The following FRMPD4 variants were observed in gnomAD, a reference collection of about 807,000 sequenced individuals.
FRMPD4 encodes the protein FERM and PDZ domain-containing protein 4.
A neutral mutation model predicts 94.1 loss-of-function variants in FRMPD4; 22 were observed. The ratio of observed to expected loss-of-function variants is 0.23; its 90% CI spans 0.17 to 0.33. The LOEUF (loss-of-function observed/expected upper bound fraction) is 0.33, where lower values mean the gene tolerates loss of function less well. FRMPD4 is among the 10% of genes least tolerant of loss of function. The probability of loss-of-function intolerance (pLI) is 1.00; values close to 1 mark genes in which losing one functional copy is unlikely to be tolerated. For missense variants in FRMPD4, 1,111 were observed against 1,339.9 expected (o/e 0.83, Z 2.67); for synonymous variants, 631 against 548.6 (o/e 1.15, Z -2.10).
At chrX:12,316,169 G>A (rs2055111428) in intron 1 of FRMPD4, among the ~76,000 whole-genome samples, 1 of 110,937 alleles carries the variant, frequency 9.0e-6, no homozygotes, top group African/African-American at 3.3e-5. Flanking sequence ...TTTTTTTTGA[G>A]ACAGTCTCGT....
chrX:12,104,707 C>A (rs2055282283), intron 3 of FRMPD4, among the ~76,000 whole-genome samples: 1 of 112,305 alleles, frequency 8.9e-6, no homozygotes, highest in Non-Finnish European at 1.9e-5. Context: ...TTGCTATATG[C>A]TAGACACCAT....
chrX:12,414,032 G>T (rs1206662052), intron 1 of FRMPD4, among the ~76,000 whole-genome samples: 2 of 112,584 alleles, frequency 1.8e-5, no homozygotes, highest in Non-Finnish European at 3.8e-5. Context: ...ACCAGTGTTG[G>T]TCTGTGTGAC....
chrX:12,507,775 G>A (rs1174390304), intron 2 of FRMPD4, among the ~76,000 whole-genome samples: 1 of 111,596 alleles, frequency 9.0e-6, no homozygotes, highest in African/African-American at 3.3e-5. Context: ...TACCTTAAAG[G>A]TTGTTCTAGG....
intron 1 of FRMPD4, among the ~76,000 whole-genome samples, chrX:11,856,263 G>C: frequency 9.0e-6 from 1 of 111,352 alleles, no homozygotes; most frequent in Non-Finnish European, 1.9e-5. Context: ...ATTTAGGTAG[G>C]GACACAGACA....
rs893736860 is a variant in FRMPD4, at chrX:12,473,288, C to T, written c.42-25392C>T. On this transcript the variant is annotated intron_variant, in intron 1 of 16. Transcript: ENST00000675598. ...TGATTTTGTCACCACCAGCCCTGCC[C>T]TGCCCTACAAGAGCTCCTGAAGGAA... Among the ~76,000 whole-genome samples, 4 of 109,844 alleles carry T rather than the reference C, an allele frequency of 3.6e-5. 1 individual carries two copies. Among genetic ancestry groups the T allele is most frequent in the African/African-American group, 1.4e-4 (4 of 28,932 alleles).
intron 5 of FRMPD4, among the ~76,000 whole-genome samples, chrX:12,677,496 T>A (rs1262351115): frequency 3.8e-5 from 4 of 104,159 alleles, no homozygotes; most frequent in Non-Finnish European, 3.9e-5. Context: ...AAAAAAAAAA[T>A]ACTTATTGAG....
intron 3 of FRMPD4, among the ~76,000 whole-genome samples, chrX:12,027,410 T>C (rs1038494127): frequency 4.5e-5 from 5 of 112,098 alleles, no homozygotes; most frequent in African/African-American, 1.6e-4. Flanking sequence ...ACATAAATAT[T>C]TGATGCCATC....
chrX:12,146,364 C>CA (rs59744883), intron 1 of FRMPD4, among the ~76,000 whole-genome samples: 15,594 of 98,477 alleles, frequency 0.16, 1,003 homozygotes, highest in South Asian at 0.31. Context: ...GACTCTGTCT[C>CA]AAAAAAAAAA....
chrX:12,034,714 T>C (rs1458376453), intron 3 of FRMPD4, among the ~76,000 whole-genome samples: 1 of 112,110 alleles, frequency 8.9e-6, no homozygotes, highest in Non-Finnish European at 1.9e-5. Flanking sequence ...CATTCAAGAA[T>C]TGGATTAGGT....
chrX:12,481,901 C>T (rs374608892), intron 1 of FRMPD4, among the ~76,000 whole-genome samples: 116 of 83,790 alleles, frequency 1.4e-3, no homozygotes, highest in African/African-American at 4.8e-3. Context: ...CGAGATTGCG[C>T]CACTGCACTC....
At chrX:12,121,924 G>T (rs2055457780) in intron 3 of FRMPD4, among the ~76,000 whole-genome samples, 1 of 111,846 alleles carries the variant, frequency 8.9e-6, no homozygotes, top group South Asian at 3.8e-4. Context: ...TAGTAAGAGT[G>T]CTCAAGTGTC....
chrX:12,568,510 TTCTC>T (rs1262946545), intron 2 of FRMPD4, among the ~76,000 whole-genome samples: 2 of 112,405 alleles, frequency 1.8e-5, no homozygotes, highest in African/African-American at 3.2e-5. Flanking sequence ...TCCTCATTCT[TTCTC>T]AGTGCTTCAT....
intron 3 of FRMPD4, among the ~76,000 whole-genome samples, chrX:11,953,708 A>G (rs1380496671): frequency 4.5e-5 from 5 of 111,588 alleles, no homozygotes; most frequent in African/African-American, 1.3e-4. Context: ...GAGAGCGATG[A>G]GCAGGAAATG....
Position 12,511,364 on chromosome X carries a change from TA to T in FRMPD4, c.158+12572del, listed in dbSNP as rs773626928. On this transcript the variant is annotated intron_variant, in intron 2 of 16. Transcript: ENST00000675598. ...ACTGTACTAAACATGCTCAATGAAC[TA>T]AAATGGAACACAGATAAACAACTAA... 2.8e-3 allele frequency among the ~76,000 whole-genome samples: 309 copies of T among 111,834 alleles called. 2 individuals are homozygous for T. Among genetic ancestry groups the T allele is most frequent in the African/African-American group, 9.5e-3 (294 of 30,799 alleles).
At chrX:12,539,464 G>C (rs987709319) in intron 2 of FRMPD4, among the ~76,000 whole-genome samples, 3 of 111,433 alleles carry the variant, frequency 2.7e-5, no homozygotes, top group Non-Finnish European at 5.6e-5. Flanking sequence ...CTCGAGAAGA[G>C]CAACTGCAAG....
intron 1 of FRMPD4, among the ~76,000 whole-genome samples, chrX:12,178,242 G>C (rs1290566296): frequency 9.0e-6 from 1 of 111,476 alleles, no homozygotes; most frequent in East Asian, 2.8e-4. Context: ...TTGATTCTAG[G>C]ACTTCCCAGC....
intron 2 of FRMPD4, among the ~76,000 whole-genome samples, chrX:11,868,212 C>G (rs2053733277): frequency 9.0e-6 from 1 of 111,678 alleles, no homozygotes; most frequent in Non-Finnish European, 1.9e-5. Context: ...TGGGCCAGTC[C>G]CTTTGGGTCT....
chrX:12,684,050 G>A (rs1350062634), intron 6 of FRMPD4, among the ~76,000 whole-genome samples: 1 of 111,781 alleles, frequency 8.9e-6, no homozygotes, highest in Non-Finnish European at 1.9e-5. Context: ...AACTAATCAG[G>A]CAAAGAACTT....
chrX:12,576,767 CT>C (rs773117962), intron 2 of FRMPD4, among the ~76,000 whole-genome samples: 25 of 112,215 alleles, frequency 2.2e-4, no homozygotes, highest in Non-Finnish European at 4.7e-4. Context: ...TAGAAATTAT[CT>C]TTAGCACATT....
Sources: gnomAD v4.1 joint callset for allele counts (sites outside exome capture counted in the v4.1 genomes callset) on GRCh38, gnomAD v4.1.1 for gene constraint, MANE v1.5 for transcripts, NCBI Gene and HGNC (gene_info 2026-07-23, HGNC 2026-07-21) for gene names.